Variants in ELP1 observed in about 807,000 individuals in gnomAD.
ELP1 encodes the protein elongator complex protein 1.
In ELP1, 131 loss-of-function variants were observed where a neutral mutation model predicts 183.2. The ratio of observed to expected loss-of-function variants is 0.72; its 90% CI spans 0.62 to 0.83. The LOEUF is 0.83. ELP1 is among the 40% of genes least tolerant of loss of function. The probability of loss-of-function intolerance (pLI) is 0.00; values close to 1 mark genes in which losing one functional copy is unlikely to be tolerated. For synonymous variants in ELP1, 555 were observed against 569.0 expected (o/e 0.98, Z 0.35); for missense variants, 1,550 against 1,594.9 (o/e 0.97, Z 0.48).
intron 22 of ELP1, among the ~76,000 whole-genome samples, chr9:108,898,132 T>C (rs920800686): frequency 6.6e-6 from 1 of 152,204 alleles, no homozygotes; most frequent in Non-Finnish European, 1.5e-5. Flanking sequence ...TATAGGTTGC[T>C]TACTGGACAA....
Position 108,880,048 on chromosome 9 carries a change from T to C in ELP1, c.3460+4A>G. 6.3e-7 allele frequency: 1 copy of C among 1,595,822 alleles called. No homozygotes were observed. Among genetic ancestry groups the C allele is most frequent in the Non-Finnish European group, 8.6e-7 (1 of 1,163,170 alleles). Reference sequence around the variant, plus strand: ...ACGTCGATGGCCTTCACGCAGATACTCACCCAGACCTGCCTGCTGGGCTTG... The same window carrying C: ...ACGTCGATGGCCTTCACGCAGATACCCACCCAGACCTGCCTGCTGGGCTTG... On this transcript the variant is annotated splice_donor_region_variant and intron_variant, in intron 32 of 36. Transcript: ENST00000374647.
chr9:108,926,918 G>A (rs1019860727), intron 4 of ELP1, among the ~76,000 whole-genome samples: 5 of 152,148 alleles, frequency 3.3e-5, no homozygotes, highest in Admixed American at 2.0e-4. Context: ...CATCAGTGGA[G>A]CTGGTTTACT....
At chr9:108,895,614 T>C (rs1243619033) in intron 25 of ELP1, among the ~76,000 whole-genome samples, 2 of 152,164 alleles carry the variant, frequency 1.3e-5, no homozygotes, top group Non-Finnish European at 2.9e-5. Context: ...TTTTAAGCAG[T>C]ATTATGGCTT....
At position 108,900,305 on chromosome 9, in the gene ELP1, T is replaced by C. The variant is rs775224181; in HGVS notation, c.2085A>G (p.Ser695=). The part of the protein sequence containing the change: ...GEVLRKVERG[S]RIVTVVPQDT... ...CCTGGGGCACAACAGTGACAATCCG[T>C]GAACCCCTCTCCACTTTCCGCAGAA... Residue 695 remains serine (S), a synonymous_variant, in exon 19 of 37, where the codon TCA becomes TCG. Transcript: ENST00000374647. 6.2e-7 allele frequency: 1 copy of C among 1,614,076 alleles called. No homozygotes were observed. The highest frequency in any genetic ancestry group is 1.3e-5 in the African/African-American group (1 of 74,924).
At chr9:108,884,131 GA>G (rs1451502537) in intron 29 of ELP1, among the ~76,000 whole-genome samples, 2 of 152,118 alleles carry the variant, frequency 1.3e-5, no homozygotes, top group Non-Finnish European at 2.9e-5. Context: ...GAGAAAGCTG[GA>G]AGAATTATAT....
chr9:108,892,924 A>T (rs1331172237), intron 27 of ELP1, 62 bp downstream of exon 27: 5 of 1,106,272 alleles, frequency 4.5e-6, no homozygotes, highest in Non-Finnish European at 7.0e-6. Context: ...TAGGATCCTC[A>T]CTCCTTTCCT....
chr9:108,888,305 C>T (rs553812615), intron 29 of ELP1, among the ~76,000 whole-genome samples: 1 of 152,226 alleles, frequency 6.6e-6, no homozygotes, highest in African/African-American at 2.4e-5. Flanking sequence ...TAGAAATGTT[C>T]TAGATCATGA....
chr9:108,882,170 C>T lies in ELP1; in HGVS notation c.3240G>A (p.Val1080=), dbSNP rs1827954612. 6.2e-7 allele frequency: 1 copy of T among 1,613,398 alleles called. No homozygotes were observed. Residue 1080 remains valine (V), a synonymous_variant, in exon 30 of 37, where the codon GTG becomes GTA. Coordinates refer to ENST00000374647, the MANE Select transcript of ELP1 (RefSeq NM_003640.5). ...AGGCAGCTCCTTCTAACAGCAAGAG[C>T]ACAGCTTCTTCATAATCCTGACAAG... ...EECAQDYEEA[V]LLLLEGAAWE...
intron 6 of ELP1, 102 bp downstream of exon 6, chr9:108,922,740 C>A: frequency 1.2e-6 from 1 of 833,690 alleles, no homozygotes; most frequent in Non-Finnish European, 2.1e-6. Context: ...CAGAAGAGAA[C>A]TGTTCATTAC....
intron 1 of ELP1, 68 bp downstream of exon 1, chr9:108,933,796 C>A (rs1200981403): frequency 6.5e-6 from 1 of 152,836 alleles, no homozygotes; most frequent in African/African-American, 2.4e-5. Context: ...GGCTCCGGGT[C>A]TCCTTCACCC....
At chr9:108,875,332 T>C (rs1827670108) in intron 35 of ELP1, among the ~76,000 whole-genome samples, 1 of 152,190 alleles carries the variant, frequency 6.6e-6, no homozygotes, top group Non-Finnish European at 1.5e-5. Flanking sequence ...CGCAAAGAGT[T>C]ATGGGAAACA....
At chr9:108,871,196 C>A (rs1457250159) in intron 36 of ELP1, among the ~76,000 whole-genome samples, 1 of 151,978 alleles carries the variant, frequency 6.6e-6, no homozygotes. Context: ...GGTTCTTTTC[C>A]ATACATTTGA....
intron 36 of ELP1, among the ~76,000 whole-genome samples, chr9:108,871,260 C>A (rs1051144513): frequency 6.6e-6 from 1 of 151,498 alleles, no homozygotes; most frequent in Admixed American, 6.6e-5. Flanking sequence ...CCTTATGACA[C>A]CCTGATCTAG....
At chr9:108,903,925 TCTG>T (rs1828920296) in intron 14 of ELP1, among the ~76,000 whole-genome samples, 1 of 152,074 alleles carries the variant, frequency 6.6e-6, no homozygotes, top group African/African-American at 2.4e-5. Flanking sequence ...TAAAGCCACA[TCTG>T]CTACATGACA....
At chr9:108,878,524 G>T in intron 34 of ELP1, 99 bp downstream of exon 34, 1 of 1,507,160 alleles carries the variant, frequency 6.6e-7, no homozygotes, top group Non-Finnish European at 9.2e-7. Flanking sequence ...CCTCAAATTG[G>T]GAAAATGGTA....
In ELP1 at chr9:108,868,619, A is replaced by C. The variant is rs995350879; in HGVS notation, c.*496T>G. ...AAGATGTTACAAAATAATAGCTGTC[A>C]GCAAAGGAGGGCTTATAATTTCAAA... On this transcript the variant is annotated 3_prime_UTR_variant, in exon 37 of 37. Transcript: ENST00000374647. 10 of 450,860 alleles carry C rather than the reference A, an allele frequency of 2.2e-5. No homozygotes were observed. Among genetic ancestry groups the C allele is most frequent in the South Asian group, 1.4e-4 (2 of 14,058 alleles). The allele number at this position is 450,860 out of a possible 1,614,324, so 27.9% of individuals were successfully genotyped here. A position where few individuals can be genotyped will look rare whatever the true frequency, so the allele number is the denominator to read the frequency against.
Position 108,869,093 on chromosome 9 carries a change from G to T in ELP1, c.*22C>A, listed in dbSNP as rs1408117252. ...TGAGTGGAAATGGTCTTCTCTGTCG[G>T]ATCCCTCCTAACTGCAGTCACTCAG... On this transcript the variant is annotated 3_prime_UTR_variant, in exon 37 of 37. Coordinates refer to ENST00000374647, the MANE Select transcript of ELP1 (RefSeq NM_003640.5). 3.1e-6 allele frequency: 5 copies of T among 1,606,864 alleles called. No individual in the cohort carries two copies. Among genetic ancestry groups the T allele is most frequent in the Admixed American group, 1.7e-5 (1 of 59,994 alleles).
intron 10 of ELP1, among the ~76,000 whole-genome samples, chr9:108,914,233 AC>A (rs1288978261): frequency 2.6e-5 from 4 of 151,946 alleles, no homozygotes; most frequent in African/African-American, 9.7e-5. Flanking sequence ...CCCTGCCTCT[AC>A]CAAAAATACA....
chr9:108,933,897 C>T lies in ELP1; in HGVS notation c.-89G>A, dbSNP rs1830085985. The T allele has an allele frequency of 1.3e-5, 2 of 156,882 alleles. No individual in the cohort carries two copies. Among genetic ancestry groups the T allele is most frequent in the South Asian group, 3.5e-4 (2 of 5,762 alleles). The allele number at this position is 156,882 out of a possible 1,614,324, so 9.7% of individuals were successfully genotyped here. A position where few individuals can be genotyped will look rare whatever the true frequency, so the allele number is the denominator to read the frequency against. ...CCCCAAACAGAGGTGCGTCCGGCCT[C>T]GCCTCCCCAGCCACGCGCAGCCGGC... On this transcript the variant is annotated 5_prime_UTR_variant, in exon 1 of 37. Transcript: ENST00000374647.
Sources: gnomAD v4.1 joint callset for allele counts (sites outside exome capture counted in the v4.1 genomes callset) on GRCh38, gnomAD v4.1.1 for gene constraint, MANE v1.5 for transcripts, NCBI Gene and HGNC (gene_info 2026-07-23, HGNC 2026-07-21) for gene names.